The following WDR27 variants were observed in gnomAD, a reference collection of about 807,000 sequenced individuals.
WDR27 encodes WD repeat-containing protein 27.
Under a neutral mutation model 114.4 loss-of-function variants are expected in WDR27, and 100 were observed. That is an observed-to-expected ratio of 0.87 (90% CI 0.74 to 1.03). The LOEUF (loss-of-function observed/expected upper bound fraction) is 1.03, where lower values mean the gene tolerates loss of function less well. WDR27 is among the 50% of genes least tolerant of loss of function. WDR27 has a pLI of 0.00. For missense variants in WDR27, 1,129 were observed against 1,092.9 expected (o/e 1.03, Z -0.47); for synonymous variants, 449 against 423.1 (o/e 1.06, Z -0.75).
At chr6:169,649,520 G>A (rs1253674905) in intron 14 of WDR27, among the ~76,000 whole-genome samples, 1 of 151,908 alleles carries the variant, frequency 6.6e-6, no homozygotes, top group African/African-American at 2.4e-5. Context: ...TCCTGGAATA[G>A]GACCCTGATG....
At chr6:169,629,653 G>A (rs371334045) in intron 21 of WDR27, among the ~76,000 whole-genome samples, 79 of 152,156 alleles carry the variant, frequency 5.2e-4, no homozygotes, top group African/African-American at 1.3e-3. Context: ...TTGGCCGGGC[G>A]CGGTGGCTCA....
At chr6:169,683,142 A>G (rs1292671701) in intron 2 of WDR27, among the ~76,000 whole-genome samples, 1 of 152,242 alleles carries the variant, frequency 6.6e-6, no homozygotes, top group Non-Finnish European at 1.5e-5. Flanking sequence ...GTAGAAGGTT[A>G]TTCAAAGAAA....
intron 23 of WDR27, among the ~76,000 whole-genome samples, chr6:169,598,107 ATC>A (rs1807207584): frequency 2.0e-5 from 3 of 152,188 alleles, no homozygotes; most frequent in Non-Finnish European, 4.4e-5. Flanking sequence ...ACGCTATTCC[ATC>A]ATAGCTAGTG....
At chr6:169,566,736 G>A (rs938862089) in intron 25 of WDR27, among the ~76,000 whole-genome samples, 2 of 152,216 alleles carry the variant, frequency 1.3e-5, no homozygotes, top group South Asian at 4.1e-4. Flanking sequence ...CTGTAGAAAC[G>A]CTTTCTAAAA....
chr6:169,517,198 C>T (rs1384441641), intron 25 of WDR27, among the ~76,000 whole-genome samples: 3 of 152,082 alleles, frequency 2.0e-5, no homozygotes, highest in African/African-American at 7.2e-5. Context: ...TTCTCTTGCT[C>T]CAACTCTGCC....
chr6:169,480,736 G>C (rs1268229389), intron 25 of WDR27, among the ~76,000 whole-genome samples: 5 of 152,016 alleles, frequency 3.3e-5, no homozygotes, highest in African/African-American at 1.2e-4. Context: ...AGTGCTCTGT[G>C]TCTAGCTAAT....
At chr6:169,562,920 C>A (rs1032677158) in intron 25 of WDR27, among the ~76,000 whole-genome samples, 6 of 152,076 alleles carry the variant, frequency 3.9e-5, no homozygotes, top group Non-Finnish European at 7.4e-5. Flanking sequence ...GAGGCCACAG[C>A]CCGGGAAGGA....
At chr6:169,554,589 C>A (rs1339552316) in intron 25 of WDR27, among the ~76,000 whole-genome samples, 2 of 152,176 alleles carry the variant, frequency 1.3e-5, no homozygotes, top group African/African-American at 4.8e-5. Context: ...CATTCCAGAT[C>A]CCAAACTTTC....
At chr6:169,658,686 CTT>C (rs756818206) in intron 12 of WDR27, among the ~76,000 whole-genome samples, 5,184 of 140,466 alleles carry the variant, frequency 0.037, 108 homozygotes, top group Middle Eastern at 0.11. Flanking sequence ...TCCGAGTTTT[CTT>C]TTTTTTTTTT....
chr6:169,520,321 C>A (rs1229657196), intron 25 of WDR27, among the ~76,000 whole-genome samples: 1 of 152,154 alleles, frequency 6.6e-6, no homozygotes, highest in African/African-American at 2.4e-5. Context: ...GAGCTTAAGG[C>A]ACCATCTAGT....
At chr6:169,591,370 A>C (rs894639552) in intron 23 of WDR27, among the ~76,000 whole-genome samples, 2 of 152,042 alleles carry the variant, frequency 1.3e-5, no homozygotes, top group South Asian at 4.1e-4. Flanking sequence ...TCTGAGATTG[A>C]AGAGGGTGAT....
intron 16 of WDR27, among the ~76,000 whole-genome samples, chr6:169,645,023 TAAAAAAAAAAAATAAAAAAAAAAAA>T (rs1820218653): frequency 2.1e-5 from 1 of 46,982 alleles, no homozygotes; most frequent in Non-Finnish European, 3.9e-5. Context: ...AAAAAAAAAA[TAAAAAAAAAAAATAAAAAAAAAAAA>T]AAAAAAAAAA....
chr6:169,590,102 A>G (rs553724427), intron 23 of WDR27, among the ~76,000 whole-genome samples: 33 of 152,382 alleles, frequency 2.2e-4, no homozygotes, highest in African/African-American at 7.7e-4. Context: ...AGTGTTTTGG[A>G]AACAGGACTA....
intron 2 of WDR27, among the ~76,000 whole-genome samples, chr6:169,682,358 C>G (rs1781762820): frequency 6.6e-6 from 1 of 152,222 alleles, no homozygotes; most frequent in Admixed American, 6.5e-5. Flanking sequence ...GTCTGGGCCA[C>G]TAGGACAGCA....
intron 2 of WDR27, among the ~76,000 whole-genome samples, chr6:169,677,574 G>C (rs553527890): frequency 6.6e-6 from 1 of 152,340 alleles, no homozygotes; most frequent in South Asian, 2.1e-4. Context: ...TTTGGTGAGA[G>C]GAATTCAAGC....
At chr6:169,661,663 C>T (rs1046360307) in intron 9 of WDR27, among the ~76,000 whole-genome samples, 9 of 152,136 alleles carry the variant, frequency 5.9e-5, no homozygotes, top group Admixed American at 2.0e-4. Flanking sequence ...ATGCACCCAC[C>T]GGGAGCACCG....
chr6:169,496,835 A>T (rs988211111), intron 25 of WDR27, among the ~76,000 whole-genome samples: 1 of 152,152 alleles, frequency 6.6e-6, no homozygotes, highest in Non-Finnish European at 1.5e-5. Flanking sequence ...CATGGATTGG[A>T]ACACAATATT....
chr6:169,613,711 GT>G (rs1410663142), intron 21 of WDR27, 55 bp from the exon 22 acceptor site: 1 of 1,450,260 alleles, frequency 6.9e-7, no homozygotes, highest in Non-Finnish European at 9.6e-7. Context: ...GTTAATAAGC[GT>G]TATGCTAATG....
intron 25 of WDR27, among the ~76,000 whole-genome samples, chr6:169,511,159 T>G (rs1337216335): frequency 6.6e-6 from 1 of 152,214 alleles, no homozygotes; most frequent in Non-Finnish European, 1.5e-5. Flanking sequence ...AATTTCCACA[T>G]TTCAAAATCC....
Sources: gnomAD v4.1 joint callset for allele counts (sites outside exome capture counted in the v4.1 genomes callset) on GRCh38, gnomAD v4.1.1 for gene constraint, MANE v1.5 for transcripts, NCBI Gene and HGNC (gene_info 2026-07-23, HGNC 2026-07-21) for gene names.